HIVEP3: variants seen among roughly 807,000 people sequenced by gnomAD.
The protein encoded by HIVEP3 is transcription factor HIVEP3.
HIVEP3 carries 49 observed loss-of-function variants against 152.8 expected under a neutral mutation model. That is an observed-to-expected ratio of 0.32 (90% confidence interval 0.26 to 0.41). The LOEUF (loss-of-function observed/expected upper bound fraction) is 0.41. Ranked by LOEUF, HIVEP3 falls within the 10% of genes least tolerant of loss-of-function variation. The pLI is 1.00. For missense variants in HIVEP3, 2,790 were observed against 3,103.3 expected (o/e 0.90, Z 2.40); for synonymous variants, 1,269 against 1,289.0 (o/e 0.98, Z 0.33).
chr1:41,553,658 T>A (rs1262473492), intron 5 of HIVEP3, among the ~76,000 whole-genome samples: 2 of 152,104 alleles, frequency 1.3e-5, no homozygotes, highest in African/African-American at 2.4e-5. Context: ...TTTCCATGTT[T>A]AGTGCTTCCT....
rs571371268 is a variant in HIVEP3, at chr1:41,549,527, C to A, written c.5208-24617G>T. Among the ~76,000 whole-genome samples the A allele has an allele frequency of 3.6e-4, 55 of 152,326 alleles. 1 individual carries two copies. The highest frequency in any genetic ancestry group is 1.3e-3 in the African/African-American group (54 of 41,584). On this transcript the variant is annotated intron_variant, in intron 5 of 8. Transcript: ENST00000372583. ...TGTTCCTATTTCTCCACATCCTCTCCAGCATCTGTTGTTTCCTCACTTTTT... is the reference window on the plus strand; with the variant it reads ...TGTTCCTATTTCTCCACATCCTCTCAAGCATCTGTTGTTTCCTCACTTTTT...
chr1:41,531,847 T>TGGAAGACGGGAGAG (rs1558035283), intron 5 of HIVEP3, among the ~76,000 whole-genome samples: 5 of 40,438 alleles, frequency 1.2e-4, no homozygotes, highest in Admixed American at 5.8e-4. Flanking sequence ...ACAGGAGAGA[T>TGGAAGACGGGAGAG]GGAAGACGGG....
chr1:42,015,726 C>G (rs1388252049), intron 1 of HIVEP3, among the ~76,000 whole-genome samples: 11 of 152,256 alleles, frequency 7.2e-5, no homozygotes, highest in Admixed American at 1.3e-4. Flanking sequence ...CTGAAATCCA[C>G]TATGTCACTT....
intron 1 of HIVEP3, among the ~76,000 whole-genome samples, chr1:41,728,798 C>T (rs1426117071): frequency 6.6e-6 from 1 of 152,186 alleles, no homozygotes; most frequent in Non-Finnish European, 1.5e-5. Context: ...ACTGCTGTGG[C>T]CTGGGACTGG....
chr1:41,709,493 G>A (rs187774942), intron 1 of HIVEP3, among the ~76,000 whole-genome samples: 1 of 152,306 alleles, frequency 6.6e-6, no homozygotes, highest in Admixed American at 6.5e-5. Context: ...CCAGGCAGTA[G>A]CAATCTCTGA....
intron 2 of HIVEP3, among the ~76,000 whole-genome samples, chr1:41,665,191 C>T (rs899768720): frequency 6.6e-6 from 1 of 152,320 alleles, no homozygotes; most frequent in Non-Finnish European, 1.5e-5. Flanking sequence ...AAGGTGGGGG[C>T]AGACAGCCCT....
At chr1:41,994,669 T>C (rs774646468) in intron 1 of HIVEP3, among the ~76,000 whole-genome samples, 100 of 152,306 alleles carry the variant, frequency 6.6e-4, no homozygotes, top group Non-Finnish European at 5.7e-4. Context: ...CTGTTAAGCC[T>C]GCTGAACTGT....
At chr1:41,862,564 T>G (rs549810618) in intron 1 of HIVEP3, among the ~76,000 whole-genome samples, 2 of 152,272 alleles carry the variant, frequency 1.3e-5, no homozygotes, top group South Asian at 2.1e-4. Context: ...CATCCTGGCA[T>G]GCATCTCTCC....
At chr1:41,621,240 G>A (rs1298008077) in intron 3 of HIVEP3, among the ~76,000 whole-genome samples, 1 of 152,206 alleles carries the variant, frequency 6.6e-6, no homozygotes, top group Non-Finnish European at 1.5e-5. Flanking sequence ...TCAGCCTCCT[G>A]GCCCCCAGTA....
At chr1:41,943,927 T>C (rs1645060798) in intron 1 of HIVEP3, among the ~76,000 whole-genome samples, 1 of 152,248 alleles carries the variant, frequency 6.6e-6, no homozygotes, top group African/African-American at 2.4e-5. Context: ...CAATGGAATA[T>C]TATTCAGCCT....
At chr1:41,689,929 T>C (rs1180069024) in intron 2 of HIVEP3, among the ~76,000 whole-genome samples, 1 of 152,248 alleles carries the variant, frequency 6.6e-6, no homozygotes, top group Non-Finnish European at 1.5e-5. Context: ...CACAGAGGCT[T>C]CTAGCCAGAC....
intron 2 of HIVEP3, among the ~76,000 whole-genome samples, chr1:41,653,808 C>T (rs1037780042): frequency 6.6e-6 from 1 of 152,030 alleles, no homozygotes; most frequent in Non-Finnish European, 1.5e-5. Flanking sequence ...GGCTTTCAGC[C>T]CAAGGGTCCC....
At chr1:41,596,800 T>C (rs1644672095) in intron 3 of HIVEP3, among the ~76,000 whole-genome samples, 1 of 152,190 alleles carries the variant, frequency 6.6e-6, no homozygotes, top group East Asian at 1.9e-4. Flanking sequence ...CCAAGGGCCC[T>C]GATCTTGGTC....
At chr1:41,595,896 AT>A (rs1644658994) in intron 3 of HIVEP3, among the ~76,000 whole-genome samples, 1 of 152,160 alleles carries the variant, frequency 6.6e-6, no homozygotes, top group African/African-American at 2.4e-5. Flanking sequence ...CAGACGGCCT[AT>A]TGTGGGACCT....
chr1:42,025,591 C>T (rs932030876), intron 1 of HIVEP3, among the ~76,000 whole-genome samples: 1 of 152,196 alleles, frequency 6.6e-6, no homozygotes, highest in African/African-American at 2.4e-5. Flanking sequence ...GACTGTACTG[C>T]TCATTGACCC....
At chr1:41,562,912 C>T (rs898831665) in intron 5 of HIVEP3, among the ~76,000 whole-genome samples, 14 of 152,018 alleles carry the variant, frequency 9.2e-5, no homozygotes, top group Non-Finnish European at 8.8e-5. Flanking sequence ...CTCCCATCCC[C>T]GCCCCAACTC....
intron 1 of HIVEP3, among the ~76,000 whole-genome samples, chr1:41,792,891 C>T (rs2124300926): frequency 6.6e-6 from 1 of 152,260 alleles, no homozygotes; most frequent in Admixed American, 6.5e-5. Context: ...GCTTGCTTCC[C>T]CCAAGGCCCT....
chr1:41,951,211 T>C (rs535597371), intron 1 of HIVEP3, among the ~76,000 whole-genome samples: 116 of 152,282 alleles, frequency 7.6e-4, no homozygotes, highest in South Asian at 1.2e-3. Flanking sequence ...ATTTAAAACA[T>C]GGAAAACAAG....
At chr1:41,716,285 C>A (rs1458895576) in intron 1 of HIVEP3, among the ~76,000 whole-genome samples, 1 of 152,070 alleles carries the variant, frequency 6.6e-6, no homozygotes, top group Non-Finnish European at 1.5e-5. Context: ...AAGTCCCAGC[C>A]AGAGATAAGG....
Sources: allele counts gnomAD v4.1 joint callset (sites outside exome capture counted in the v4.1 genomes callset), GRCh38; gene constraint gnomAD v4.1.1; transcripts MANE v1.5; gene names NCBI Gene and HGNC (gene_info 2026-07-23, HGNC 2026-07-21).